Variants in SPAG17 observed in about 807,000 individuals in gnomAD.
The protein encoded by SPAG17 is sperm-associated antigen 17.
A neutral mutation model predicts 273.6 loss-of-function variants in SPAG17; 169 were observed. That is an observed-to-expected ratio of 0.62 (90% CI 0.55 to 0.70). The LOEUF (loss-of-function observed/expected upper bound fraction) is 0.70. Among genes scored for constraint, SPAG17 ranks in the 30% least tolerant of loss-of-function variants. The pLI is 0.00. For synonymous variants in SPAG17, 825 were observed against 873.2 expected (o/e 0.94, Z 0.97); for missense variants, 2,557 against 2,627.8 (o/e 0.97, Z 0.59).
At chr1:117,954,213 T>G (rs1327061424) in intron 48 of SPAG17, 164 bp from the exon 49 acceptor site, 2 of 848,606 alleles carry the variant, frequency 2.4e-6, no homozygotes, top group Non-Finnish European at 3.6e-6. Context: ...TGGAATAGAA[T>G]CTTTCCAACT....
chr1:118,038,810 A>T (rs968086039), intron 23 of SPAG17, among the ~76,000 whole-genome samples: 13 of 152,136 alleles, frequency 8.5e-5, no homozygotes, highest in African/African-American at 2.7e-4. Flanking sequence ...TTTTCAGGGC[A>T]GTGAAACTAC....
intron 1 of SPAG17, among the ~76,000 whole-genome samples, chr1:118,155,951 T>A (rs1332627541): frequency 6.6e-6 from 1 of 152,224 alleles, no homozygotes; most frequent in Non-Finnish European, 1.5e-5. Context: ...GCTGCTACAA[T>A]CATATTTGTG....
intron 34 of SPAG17, among the ~76,000 whole-genome samples, chr1:117,995,695 AAC>A (rs10570645): frequency 0.44 from 61,518 of 140,426 alleles, 13,152 homozygotes; most frequent in African/African-American, 0.53. Context: ...AAGATGAAAT[AAC>A]ACACACACAC....
chr1:118,045,159 C>A (rs1650206198), intron 20 of SPAG17, among the ~76,000 whole-genome samples: 1 of 152,160 alleles, frequency 6.6e-6, no homozygotes. Flanking sequence ...GCTACTGGCA[C>A]AGAGCCCCTA....
intron 2 of SPAG17, 45 bp from the exon 3 acceptor site, chr1:118,150,674 G>T: frequency 8.9e-7 from 1 of 1,120,482 alleles, no homozygotes; most frequent in Non-Finnish European, 1.3e-6. Flanking sequence ...AGCCTTATTT[G>T]AAGAATACTT....
At chr1:118,018,203 C>T (rs1660157437) in intron 28 of SPAG17, among the ~76,000 whole-genome samples, 1 of 152,106 alleles carries the variant, frequency 6.6e-6, no homozygotes. Context: ...CCTGCACAAT[C>T]TGGATGGAAG....
rs112081865 is a variant in SPAG17 at position 117,984,735 on chromosome 1, C to T, written c.5717G>A (p.Arg1906His). 3.0e-5 allele frequency: 49 copies of T among 1,611,086 alleles called. No individual in the cohort carries two copies. The highest frequency in any genetic ancestry group is 1.9e-4 in the South Asian group (17 of 90,688). ...AGATTTAAAAAAGGGTGGTATTATG[C>T]GGTTCTTAATATCCATTAGGTAATT... ...TQNYLMDIKN[R>H]IIPPFFKSEL... Residue 1906 changes from arginine to histidine, a missense_variant, in exon 41 of 49, where the codon CGC (arginine) becomes CAC (histidine). Arg to His is a conservative substitution (Grantham distance 29, BLOSUM62 0). Coordinates refer to ENST00000336338, the MANE Select transcript of SPAG17 (RefSeq NM_206996.4).
chr1:117,999,772 T>C (rs571189719), intron 32 of SPAG17, among the ~76,000 whole-genome samples: 58 of 152,336 alleles, frequency 3.8e-4, no homozygotes, highest in African/African-American at 1.3e-3. Context: ...ATTCTGTAGG[T>C]TGCCTGTTCA....
intron 4 of SPAG17, among the ~76,000 whole-genome samples, chr1:118,112,795 C>T (rs1460066208): frequency 1.3e-5 from 2 of 151,926 alleles, no homozygotes; most frequent in African/African-American, 4.8e-5. Flanking sequence ...TATGAATTAC[C>T]CAGCAAGCTT....
At chr1:118,128,858 C>T (rs1657891765) in intron 3 of SPAG17, among the ~76,000 whole-genome samples, 1 of 152,186 alleles carries the variant, frequency 6.6e-6, no homozygotes, top group Non-Finnish European at 1.5e-5. Context: ...TCATTCAGCT[C>T]ATGTGACTCA....
At chr1:118,177,376 G>A (rs1660743430) in intron 1 of SPAG17, among the ~76,000 whole-genome samples, 2 of 152,042 alleles carry the variant, frequency 1.3e-5, no homozygotes. Context: ...ACTATCACAA[G>A]AACACCATGG....
intron 18 of SPAG17, among the ~76,000 whole-genome samples, chr1:118,063,675 G>A (rs1337899044): frequency 6.6e-6 from 1 of 152,114 alleles, no homozygotes; most frequent in Non-Finnish European, 1.5e-5. Context: ...ATAGGCATGG[G>A]CAAGGACTTC....
intron 17 of SPAG17, among the ~76,000 whole-genome samples, chr1:118,071,034 G>A (rs1653529694): frequency 2.0e-5 from 3 of 150,728 alleles, no homozygotes; most frequent in African/African-American, 7.3e-5. Context: ...TTTTTTTCAT[G>A]GAGAATTTAA....
At chr1:118,072,814 G>C (rs72631721) in intron 17 of SPAG17, among the ~76,000 whole-genome samples, 9,319 of 152,070 alleles carry the variant, frequency 0.061, 449 homozygotes, top group East Asian at 0.26. Flanking sequence ...GGGTGAGCCT[G>C]TACCTGTACA....
At chr1:118,166,517 A>G (rs1411190440) in intron 1 of SPAG17, among the ~76,000 whole-genome samples, 1 of 152,216 alleles carries the variant, frequency 6.6e-6, no homozygotes, top group Non-Finnish European at 1.5e-5. Flanking sequence ...TAAATTATAC[A>G]GTAAAACTTA....
Position 118,074,544 on chromosome 1 carries a change from C to T in SPAG17, c.2266G>A (p.Glu756Lys). The part of the protein sequence containing the change: ...DDAVTKADSH[E>K]KKPKKMMVEA... Reference sequence around the variant, plus strand: ...TCAGAAAAATAATTCCTTACCTTTTCATGAGAATCAGCCTTTGTGACTGCA... The same window carrying T: ...TCAGAAAAATAATTCCTTACCTTTTTATGAGAATCAGCCTTTGTGACTGCA... Residue 756 changes from glutamate (E) to lysine (K), a missense_variant, in exon 16 of 49, where the codon GAA becomes AAA. Coordinates refer to ENST00000336338, the MANE Select transcript of SPAG17 (RefSeq NM_206996.4). The T allele has an allele frequency of 6.2e-7, 1 of 1,613,218 alleles. No individual in the cohort carries two copies. Among genetic ancestry groups the T allele is most frequent in the Non-Finnish European group, 8.5e-7 (1 of 1,179,374 alleles).
chr1:118,006,827 T>G (rs1289160874), intron 31 of SPAG17, among the ~76,000 whole-genome samples: 1 of 152,242 alleles, frequency 6.6e-6, no homozygotes, highest in East Asian at 1.9e-4. Flanking sequence ...AAGTGATATC[T>G]CATTGCAGTT....
chr1:118,007,093 C>T (rs1316510712), intron 31 of SPAG17, among the ~76,000 whole-genome samples: 1 of 152,032 alleles, frequency 6.6e-6, no homozygotes, highest in African/African-American at 2.4e-5. Context: ...CTTTGAATCA[C>T]AAACTTTTTT....
intron 1 of SPAG17, among the ~76,000 whole-genome samples, chr1:118,154,129 G>C (rs1659528537): frequency 6.6e-6 from 1 of 152,148 alleles, no homozygotes; most frequent in Non-Finnish European, 1.5e-5. Context: ...GTTCAGATTT[G>C]TTTAGAGCTC....
Sources: gnomAD v4.1 joint callset for allele counts (sites outside exome capture counted in the v4.1 genomes callset) on GRCh38, gnomAD v4.1.1 for gene constraint, MANE v1.5 for transcripts, NCBI Gene and HGNC (gene_info 2026-07-23, HGNC 2026-07-21) for gene names.